DST: variants seen among roughly 807,000 people sequenced by gnomAD.
DST encodes bullous pemphigoid antigen.
In DST, 253 loss-of-function variants were observed where a neutral mutation model predicts 875.2. That is an observed-to-expected ratio of 0.29 (90% CI 0.26 to 0.32). DST has a LOEUF of 0.32. DST is among the 10% of genes least tolerant of loss of function. DST has a pLI of 1.00. For missense variants in DST, 8,287 were observed against 9,111.6 expected (o/e 0.91, Z 3.68); for synonymous variants, 3,124 against 3,197.1 (o/e 0.98, Z 0.77).
At chr6:56,760,633 G>A (rs1480227124) in intron 4 of DST, among the ~76,000 whole-genome samples, 1 of 152,146 alleles carries the variant, frequency 6.6e-6, no homozygotes, top group Non-Finnish European at 1.5e-5. Flanking sequence ...CCATAAGGTG[G>A]CTGAAAATGC....
chr6:56,647,622 C>G (rs1334816477), intron 13 of DST, among the ~76,000 whole-genome samples: 2 of 151,846 alleles, frequency 1.3e-5, no homozygotes, highest in African/African-American at 4.8e-5. Flanking sequence ...TATTATAAAA[C>G]CAAATATACA....
At chr6:56,528,421 G>A (rs2096838881) in intron 67 of DST, among the ~76,000 whole-genome samples, 2 of 152,154 alleles carry the variant, frequency 1.3e-5, no homozygotes, top group Admixed American at 1.3e-4. Context: ...TTTTCTTGGT[G>A]ATTCAGACAT....
At position 56,742,409 on chromosome 6, in the gene DST, T is replaced by C. The variant is rs538147191; in HGVS notation, c.626-7120A>G. ...CAAACTCTGATGTGTCAGAGTCCTG[T>C]TAACTTTCTATGTAGAAAAGAAAAC... On this transcript the variant is annotated intron_variant, in intron 4 of 103. Coordinates refer to ENST00000680361, the MANE Select transcript of DST (RefSeq NM_001374736.1). 26 of 1,243,562 alleles carry C rather than the reference T, an allele frequency of 2.1e-5. 1 individual carries two copies. The highest frequency in any genetic ancestry group is 2.0e-4 in the African/African-American group (13 of 65,032). The allele number at this position is 1,243,562 out of a possible 1,614,324, so 77.0% of individuals were successfully genotyped here. A position where few individuals can be genotyped will look rare whatever the true frequency, so the allele number is the denominator to read the frequency against.
Position 56,515,595 on chromosome 6 carries a change from T to C in DST, c.18431A>G (p.Glu6144Gly). ...TTGGTTAACCAGGGACTGTGCCCGT[T>C]CCAGCTGCAGATACCTTTCTGAATT... ...QINSERYLQL[E>G]RAQSLVNQFW... The change falls in exon 72 of 104, where the codon GAA becomes GGA. Residue 6144 changes from glutamate to glycine, a missense_variant. By Grantham distance (98) the Glu-to-Gly change is moderately conservative. Around this residue, in one of 10 missense-constraint regions of DST, gnomAD observed 1,292 missense variants for 1,552.7 expected, o/e 0.83. Coordinates refer to ENST00000680361, the MANE Select transcript of DST (RefSeq NM_001374736.1). 2 of 1,613,850 alleles carry C rather than the reference T, an allele frequency of 1.2e-6. No homozygotes were observed. The highest frequency in any genetic ancestry group is 1.7e-6 in the Non-Finnish European group (2 of 1,179,810).
chr6:56,720,581 A>G (rs2099411146), intron 5 of DST, among the ~76,000 whole-genome samples: 1 of 152,094 alleles, frequency 6.6e-6, no homozygotes, highest in East Asian at 1.9e-4. Context: ...GCCTTCAAGC[A>G]TCTGTTTAAC....
intron 98 of DST, 118 bp from the exon 99 acceptor site, chr6:56,466,313 G>T: frequency 1.7e-6 from 1 of 583,248 alleles, no homozygotes; most frequent in Non-Finnish European, 2.8e-6. Context: ...AGTTCATAGC[G>T]ATTAGTAAAA....
At chr6:56,525,667 T>C (rs1468859746) in intron 69 of DST, among the ~76,000 whole-genome samples, 1 of 152,220 alleles carries the variant, frequency 6.6e-6, no homozygotes, top group East Asian at 1.9e-4. Context: ...GTAGTAACTG[T>C]GATGACTTAA....
At chr6:56,614,018 A>G (rs1211028893) in intron 37 of DST, among the ~76,000 whole-genome samples, 2 of 152,126 alleles carry the variant, frequency 1.3e-5, no homozygotes, top group Non-Finnish European at 2.9e-5. Context: ...GCATGGATCT[A>G]CTCTAGACAT....
Position 56,916,753 on chromosome 6 carries a change from A to ATCTCTCTCTCTCTC in DST, c.217-16146_217-16133dup, listed in dbSNP as rs70989741. Among the ~76,000 whole-genome samples the ATCTCTCTCTCTCTC allele has an allele frequency of 2.5e-4, 24 of 95,414 alleles. 1 individual carries two copies. Among genetic ancestry groups the ATCTCTCTCTCTCTC allele is most frequent in the African/African-American group, 1.1e-3 (23 of 21,460 alleles). The allele number at this position is 95,414 out of a possible 152,430, so 62.6% of individuals were successfully genotyped here. ...GAGACAAGATCTTCTCTCTCTCTCT[A>ATCTCTCTCTCTCTC]TCTCTCTCTCTCTCTCTCTCTCTCT... On this transcript the variant is annotated intron_variant, in intron 2 of 103. Coordinates refer to ENST00000680361, the MANE Select transcript of DST (RefSeq NM_001374736.1).
At chr6:56,798,870 T>C (rs530698614) in intron 4 of DST, among the ~76,000 whole-genome samples, 2 of 152,308 alleles carry the variant, frequency 1.3e-5, no homozygotes, top group African/African-American at 2.4e-5. Flanking sequence ...CCCTCATGGA[T>C]GACTTTGAAG....
chr6:56,605,038 G>A lies in DST; in HGVS notation c.9590C>T (p.Ala3197Val). 6.2e-7 allele frequency: 1 copy of A among 1,612,748 alleles called. No homozygotes were observed. The highest frequency in any genetic ancestry group is 8.5e-7 in the Non-Finnish European group (1 of 1,179,300). Residue 3197 changes from alanine to valine, a missense_variant, in exon 40 of 104, where the codon GCC becomes GTC. Ala to Val is a moderately conservative substitution (Grantham distance 64). Transcript: ENST00000680361. The stretch of plus-strand genomic sequence containing the variant: ...GCTTGGGACATCTTCATTTGGTTTG[G>A]CTACATCTTTTGCTTTTATATTTTT... ...CAKNIKAKDV[A>V]KPNEDVPSHV...
chr6:56,495,813 GACTT>G (rs984263402), intron 82 of DST, among the ~76,000 whole-genome samples: 32 of 152,128 alleles, frequency 2.1e-4, no homozygotes, highest in Admixed American at 1.4e-3. Flanking sequence ...GAATTAGTAG[GACTT>G]ACTTAAACTA....
rs982094966 is a variant in DST, at chr6:56,495,882, T to C, written c.20223+1497A>G. Among the ~76,000 whole-genome samples the C allele has an allele frequency of 3.3e-5, 5 of 152,234 alleles. No individual in the cohort carries two copies. In the East Asian group the frequency reaches 9.7e-4, roughly 29 times the overall value. ...CTACCTACTGTCATAATCTGTTTTA[T>C]TTCTTTACAACATCTACATGATGGT... is the stretch of plus-strand genomic sequence containing the variant. On this transcript the variant is annotated intron_variant, in intron 82 of 103. Transcript: ENST00000680361.
Position 56,573,148 on chromosome 6 carries a change from CA to C in DST, c.13237-85del, listed in dbSNP as rs536189640. On this transcript the variant is annotated intron_variant, in intron 51 of 103. Coordinates refer to ENST00000680361, the MANE Select transcript of DST (RefSeq NM_001374736.1). The stretch of plus-strand genomic sequence containing the variant: ...AATTTTTTTAAATGACTATTCCTAA[CA>C]ACATAAGCTTGCACAACCTGTGCCT... The C allele has an allele frequency of 7.6e-5, 91 of 1,197,754 alleles. 1 individual carries two copies. In the South Asian group the frequency reaches 1.3e-3, roughly 18 times the overall value. 74.2% of individuals were successfully genotyped at this position (1,197,754 alleles called of 1,614,324 possible).
rs768047839 is a variant in DST, at chr6:56,597,970, T to C, written c.11965A>G (p.Lys3989Glu). The change falls in exon 47 of 104, where the codon AAA (lysine) becomes GAA (glutamate). Residue 3989 changes from lysine (K) to glutamate (E), a missense_variant. Transcript: ENST00000680361. ...AACCAGTCCAAAAGGTTTTCTATTT[T>C]GGTTTTGCTCTCTTCCAGCTGCTTC... ...AVKQLEESKT[K>E]IENLLDWLSN... 67 of 1,610,750 alleles carry C rather than the reference T, an allele frequency of 4.2e-5. No homozygotes were observed. Among genetic ancestry groups the C allele is most frequent in the Middle Eastern group, 1.6e-4 (1 of 6,064 alleles).
At chr6:56,794,288 A>T (rs2099736041) in intron 4 of DST, among the ~76,000 whole-genome samples, 1 of 152,192 alleles carries the variant, frequency 6.6e-6, no homozygotes, top group Admixed American at 6.5e-5. Flanking sequence ...TACCACAATC[A>T]TATTATTCAG....
At chr6:56,778,826 T>C (rs2099685489) in intron 4 of DST, among the ~76,000 whole-genome samples, 1 of 151,988 alleles carries the variant, frequency 6.6e-6, no homozygotes, top group African/African-American at 2.4e-5. Context: ...CTGTTGTGAG[T>C]AGAGCTGCAA....
chr6:56,569,951 A>G lies in DST; in HGVS notation c.13783T>C (p.Leu4595=). Residue 4595 remains leucine, a synonymous_variant, in exon 54 of 104, where the codon TTG becomes CTG. Coordinates refer to ENST00000680361, the MANE Select transcript of DST (RefSeq NM_001374736.1). Reference sequence around the variant, plus strand: ...GTTGTTTCTTTTATCCATGACTTCAATGATTTAACAAGAACTTGGAAAGCA... The same window carrying G: ...GTTGTTTCTTTTATCCATGACTTCAGTGATTTAACAAGAACTTGGAAAGCA... ...LDAFQVLVKS[L]KSWIKETTKK... is the part of the protein sequence containing the mutation. The G allele has an allele frequency of 6.2e-7, 1 of 1,609,262 alleles. No homozygotes were observed. Among genetic ancestry groups the G allele is most frequent in the Non-Finnish European group, 8.5e-7 (1 of 1,178,400 alleles).
intron 2 of DST, among the ~76,000 whole-genome samples, chr6:56,949,483 G>GTA (rs1282371197): frequency 6.6e-6 from 1 of 152,218 alleles, no homozygotes; most frequent in East Asian, 1.9e-4. Context: ...GAAAAAACCA[G>GTA]TAACTATAAA....
Sources: allele counts gnomAD v4.1 joint callset (sites outside exome capture counted in the v4.1 genomes callset), GRCh38; gene constraint gnomAD v4.1.1; regional missense constraint gnomAD v4.1.1; transcripts MANE v1.5; gene names NCBI Gene and HGNC (gene_info 2026-07-23, HGNC 2026-07-21).